The following TRPM5 variants were observed in gnomAD, a reference collection of about 807,000 sequenced individuals.
TRPM5 encodes transient receptor potential cation channel subfamily M member 5.
A neutral mutation model predicts 124.9 loss-of-function variants in TRPM5; 121 were observed. The ratio of observed to expected loss-of-function variants is 0.97; its 90% CI spans 0.84 to 1.13. The LOEUF (loss-of-function observed/expected upper bound fraction) is 1.13, where lower values mean the gene tolerates loss of function less well. Ranked by LOEUF, TRPM5 falls within the 50% of genes most tolerant of loss-of-function variation. The pLI is 0.00. For missense variants in TRPM5, 1,643 were observed against 1,589.1 expected (o/e 1.03, Z -0.58); for synonymous variants, 781 against 700.5 (o/e 1.11, Z -1.81).
chr11:2,414,013 G>GCCCCCCCCCCCCCCCCCC, intron 12 of TRPM5, 48 bp downstream of exon 17: 1 of 625,670 alleles, frequency 1.6e-6, no homozygotes, highest in Non-Finnish European at 2.4e-6. Flanking sequence ...CAGCTCGCCC[G>GCCCCCCCCCCCCCCCCCC]CCCACCCCAC....
At chr11:2,435,228 A>T in the TRPM5 span, among the ~76,000 whole-genome samples, 3 of 152,202 alleles carry the variant, frequency 2.0e-5, no homozygotes, top group Non-Finnish European at 4.4e-5. The surrounding 1 kb of genome is among the most constrained non-coding windows in gnomAD (Gnocchi z 4.1). Context: ...ATGGAGAAAA[A>T]TAAAGCAGGG....
intron 18 of TRPM5, 134 bp from the exon 24 acceptor site, chr11:2,408,046 T>C (rs1850360379): frequency 2.5e-6 from 3 of 1,201,328 alleles, no homozygotes; most frequent in Non-Finnish European, 2.3e-6. Flanking sequence ...TGACCCACTG[T>C]CCCAGTTCAC....
rs955521269 is a variant in TRPM5, at chr11:2,411,629, G to A, written c.2607+6C>T. The A allele has an allele frequency of 5.6e-6, 9 of 1,611,958 alleles. No homozygotes were observed. Among genetic ancestry groups the A allele is most frequent in the Middle Eastern group, 3.3e-4 (2 of 6,078 alleles). Reference sequence around the variant, plus strand: ...AGGGCCAGGGCCAGGGCCCCCGGGGGCTCACCATGCGCTCTACCACGATGA... The same window carrying A: ...AGGGCCAGGGCCAGGGCCCCCGGGGACTCACCATGCGCTCTACCACGATGA... On this transcript the variant is annotated splice_donor_region_variant and intron_variant, in intron 17 of 23. Coordinates refer to ENST00000155858, the Ensembl canonical transcript of TRPM5.
upstream of TRPM5, among the ~76,000 whole-genome samples, chr11:2,423,778 G>A (rs1483546578): frequency 1.3e-5 from 2 of 152,180 alleles, no homozygotes; most frequent in African/African-American, 4.8e-5. Flanking sequence ...GTGAGGTCGG[G>A]CATCTCAGCC....
intron 18 of TRPM5, among the ~76,000 whole-genome samples, 190 bp from the exon 24 acceptor site, chr11:2,408,102 C>T (rs942642454): frequency 2.6e-5 from 4 of 152,286 alleles, no homozygotes; most frequent in Admixed American, 2.0e-4. Context: ...TCACAGCAAA[C>T]CAGAACCAGA....
chr11:2,420,417 C>G lies in TRPM5; in HGVS notation c.466-12G>C, dbSNP rs927741416. The G allele has an allele frequency of 1.3e-6, 2 of 1,595,324 alleles. No individual in the cohort carries two copies. The highest frequency in any genetic ancestry group is 1.3e-5 in the African/African-American group (1 of 74,426). On this transcript the variant is annotated splice_polypyrimidine_tract_variant and intron_variant, in intron 3 of 23. Transcript: ENST00000155858. Reference sequence around the variant, plus strand: ...ACAGGAAAATCCTCCTGCGCCCATGCAGGGAGACGAGGCTGAGCCCTCGAG... The same window carrying G: ...ACAGGAAAATCCTCCTGCGCCCATGGAGGGAGACGAGGCTGAGCCCTCGAG...
At chr11:2,418,401 G>C in intron 5 of TRPM5, 43 bp from the exon 11 acceptor site, 1 of 1,529,848 alleles carries the variant, frequency 6.5e-7, no homozygotes, top group South Asian at 1.2e-5. Flanking sequence ...AGATTAGCCC[G>C]ACGACATCTG....
At chr11:2,419,002 G>C (rs192608944) in intron 4 of TRPM5, among the ~76,000 whole-genome samples, 1 of 152,114 alleles carries the variant, frequency 6.6e-6, no homozygotes, top group South Asian at 2.1e-4. Flanking sequence ...AGGTACAGGA[G>C]GGAGTCTTCA....
chr11:2,423,168 AC>A (rs1296293195), upstream of TRPM5: 4 of 711,318 alleles, frequency 5.6e-6, no homozygotes, highest in East Asian at 1.0e-4. Flanking sequence ...GCACAAGGAG[AC>A]CTGGGGACTG....
chr11:2,420,094 T>C (rs979466912), intron 4 of TRPM5, 128 bp downstream of exon 9: 16 of 1,065,192 alleles, frequency 1.5e-5, no homozygotes, highest in Non-Finnish European at 2.0e-5. Flanking sequence ...TGCTCAGGCA[T>C]GCGGGGTGCG....
At chr11:2,406,729 G>C in exon 21 of TRPM5, 3 of 1,613,612 alleles carry the variant, frequency 1.9e-6, no homozygotes, top group Non-Finnish European at 2.5e-6. Context: ...TGCTCAGGAA[G>C]TTCTCCTTCT....
At chr11:2,428,432 G>A in the TRPM5 span, among the ~76,000 whole-genome samples, 7 of 152,314 alleles carry the variant, frequency 4.6e-5, no homozygotes, top group East Asian at 5.8e-4. The surrounding 1 kb of genome is among the most constrained non-coding windows in gnomAD (Gnocchi z 4.0). Context: ...TGGTGGTAAC[G>A]GGTGAAGGTG....
intron 7 of TRPM5, among the ~76,000 whole-genome samples, chr11:2,416,648 T>C (rs559967586): frequency 6.6e-6 from 1 of 152,260 alleles, no homozygotes; most frequent in Non-Finnish European, 1.5e-5. Flanking sequence ...TTGACCTCCT[T>C]GTCCTGGTGA....
At chr11:2,404,824 T>C (rs562806466) in exon 24 of TRPM5, 2 of 811,498 alleles carry the variant, frequency 2.5e-6, no homozygotes, top group African/African-American at 1.7e-5. Flanking sequence ...CATTGTCTGC[T>C]GGGGGGCTGG....
chr11:2,415,727 C>T (rs1380191777), intron 8 of TRPM5, among the ~76,000 whole-genome samples, 179 bp downstream of exon 13: 1 of 152,198 alleles, frequency 6.6e-6, no homozygotes, highest in African/African-American at 2.4e-5. Context: ...GCCAGCTCTG[C>T]CTGGGCCAGT....
chr11:2,412,168 G>T, exon 16 of TRPM5: 1 of 1,613,530 alleles, frequency 6.2e-7, no homozygotes, highest in Non-Finnish European at 8.5e-7. Flanking sequence ...CAGGAAGATG[G>T]CCACCATGTC....
chr11:2,410,667 C>G (rs981983462), intron 18 of TRPM5: 1 of 454,280 alleles, frequency 2.2e-6, no homozygotes. Context: ...CCCCCGCCCC[C>G]TCCCCACTGC....
intron 2 of TRPM5, 130 bp downstream of exon 7, chr11:2,422,011 T>TC (rs1845778510): frequency 4.0e-6 from 3 of 759,260 alleles, no homozygotes; most frequent in South Asian, 2.0e-5. Context: ...CTGTGCCGGG[T>TC]GGGGGGACAG....
the TRPM5 span, among the ~76,000 whole-genome samples, chr11:2,436,051 C>T: frequency 6.6e-6 from 1 of 152,260 alleles, no homozygotes; most frequent in Non-Finnish European, 1.5e-5. Context: ...GGCCAGGAGC[C>T]TCACCTTCCG....
Sources: gnomAD v4.1 joint callset for allele counts (sites outside exome capture counted in the v4.1 genomes callset) on GRCh38, gnomAD v4.1.1 for gene constraint, Gnocchi (gnomAD v3.1) non-coding constraint, MANE v1.5 for transcripts, NCBI Gene and HGNC (gene_info 2026-07-23, HGNC 2026-07-21) for gene names.